SLIT3: variants seen among roughly 807,000 people sequenced by gnomAD.
The protein encoded by SLIT3 is slit guidance ligand 3, also known as slit homolog 3 protein.
A neutral mutation model predicts 184.0 loss-of-function variants in SLIT3; 68 were observed. The observed-to-expected ratio is 0.37, with a 90% CI of 0.30 to 0.45. The LOEUF is 0.45. Among genes scored for constraint, SLIT3 ranks in the 20% least tolerant of loss-of-function variants. SLIT3 has a pLI of 1.00. For missense variants in SLIT3, 1,707 were observed against 2,026.0 expected, an observed-to-expected ratio of 0.84 and a Z score of 3.02; for synonymous variants, 831 against 828.6, an observed-to-expected ratio of 1.00 and a Z score of -0.05.
At chr5:168,887,856 T>C (rs1760280391) in intron 4 of SLIT3, among the ~76,000 whole-genome samples, 1 of 152,168 alleles carries the variant, frequency 6.6e-6, no homozygotes, top group Non-Finnish European at 1.5e-5. Flanking sequence ...TTGCTGAAAA[T>C]GTCCTTTTTC....
At chr5:168,811,475 A>T (rs916155526) in intron 8 of SLIT3, among the ~76,000 whole-genome samples, 1 of 152,170 alleles carries the variant, frequency 6.6e-6, no homozygotes, top group African/African-American at 2.4e-5. Context: ...GCCAAAAGGA[A>T]CCCCAAATTC....
chr5:169,044,714 T>C (rs1248466366), intron 4 of SLIT3, among the ~76,000 whole-genome samples: 1 of 152,150 alleles, frequency 6.6e-6, no homozygotes, highest in Non-Finnish European at 1.5e-5. Context: ...CACTGAATGA[T>C]ATAATTTAAG....
chr5:168,724,644 ATATT>A (rs150726835), intron 20 of SLIT3, among the ~76,000 whole-genome samples, 160 bp from the exon 21 acceptor site: 3,147 of 152,180 alleles, frequency 0.021, 99 homozygotes, highest in African/African-American at 0.069. Context: ...TTGTCATTTA[ATATT>A]TATTTGATTA....
intron 3 of SLIT3, among the ~76,000 whole-genome samples, chr5:169,228,661 G>C (rs769061610): frequency 1.3e-5 from 2 of 152,146 alleles, no homozygotes; most frequent in South Asian, 4.1e-4. Flanking sequence ...AGAACATTCA[G>C]AATACAAATT....
intron 7 of SLIT3, among the ~76,000 whole-genome samples, chr5:168,820,017 G>A (rs1374476953): frequency 6.6e-6 from 1 of 152,152 alleles, no homozygotes; most frequent in Admixed American, 6.5e-5. Flanking sequence ...GTCAAGCTGG[G>A]TAGATTCTTG....
intron 4 of SLIT3, among the ~76,000 whole-genome samples, chr5:168,909,107 C>T (rs770013384): frequency 3.9e-5 from 6 of 152,204 alleles, no homozygotes; most frequent in South Asian, 2.1e-4. Flanking sequence ...CTGCGTCCTC[C>T]GGTCACACAT....
At chr5:168,685,983 TCA>T (rs1425942572) in intron 30 of SLIT3, 56 bp from the exon 31 acceptor site, 20 of 1,526,966 alleles carry the variant, frequency 1.3e-5, no homozygotes, top group African/African-American at 1.1e-4. Flanking sequence ...GAGGAGACAA[TCA>T]CAGTTACTCA....
Position 169,176,883 on chromosome 5 carries a change from T to C in SLIT3, c.413+16596A>G, listed in dbSNP as rs568337893. Among the ~76,000 whole-genome samples, 5 of 152,318 alleles carry C rather than the reference T, an allele frequency of 3.3e-5. No homozygotes were observed. In the South Asian group the frequency reaches 1.0e-3, roughly 32 times the overall value. Reference sequence around the variant, plus strand: ...GAAAACTAGAGGGCCAACCTCCCTCTTTCTGCCAGCACCCTCTTAGAAATC... The same window carrying C: ...GAAAACTAGAGGGCCAACCTCCCTCCTTCTGCCAGCACCCTCTTAGAAATC... On this transcript the variant is annotated intron_variant, in intron 4 of 35. Transcript: ENST00000519560.
chr5:169,146,354 T>A (rs1312946703), intron 4 of SLIT3, among the ~76,000 whole-genome samples: 2 of 152,254 alleles, frequency 1.3e-5, no homozygotes, highest in African/African-American at 4.8e-5. Context: ...TTGGCCCATG[T>A]TCCTGCTAAC....
At chr5:168,856,764 CTCGTGTGT>C (rs1758882989) in intron 5 of SLIT3, among the ~76,000 whole-genome samples, 1 of 126,020 alleles carries the variant, frequency 7.9e-6, no homozygotes, top group Non-Finnish European at 1.6e-5. Context: ...AGCTGAGTTC[CTCGTGTGT>C]GTGTGTGTGT....
chr5:169,097,329 C>A (rs113207360), intron 4 of SLIT3, among the ~76,000 whole-genome samples: 79 of 150,874 alleles, frequency 5.2e-4, no homozygotes, highest in African/African-American at 1.8e-3. Context: ...TTGTGTTTTA[C>A]CCACAAAAGA....
chr5:169,066,573 TC>T (rs1275606937), intron 4 of SLIT3, among the ~76,000 whole-genome samples: 1 of 152,214 alleles, frequency 6.6e-6, no homozygotes, highest in Non-Finnish European at 1.5e-5. Flanking sequence ...AAGTAATCAA[TC>T]CTCATACCCT....
chr5:169,211,737 C>A (rs796694258), intron 3 of SLIT3, among the ~76,000 whole-genome samples: 1 of 152,130 alleles, frequency 6.6e-6, no homozygotes, highest in East Asian at 1.9e-4. Flanking sequence ...GTTCCCGCAC[C>A]CATTGAACTG....
At chr5:168,702,478 A>G (rs1762246397) in intron 26 of SLIT3, among the ~76,000 whole-genome samples, 1 of 152,056 alleles carries the variant, frequency 6.6e-6, no homozygotes, top group Non-Finnish European at 1.5e-5. Flanking sequence ...CTCTCAAAAC[A>G]TGCGTTCTAG....
chr5:169,251,463 C>T lies in SLIT3; in HGVS notation c.198-4G>A, dbSNP rs1448113643. The stretch of plus-strand genomic sequence containing the variant: ...GATATTATTTCTGTCCAGGTCACTG[C>T]AATGGAGAGCAAATTCAGGTCAGAT... On this transcript the variant is annotated splice_polypyrimidine_tract_variant and splice_region_variant and intron_variant, in intron 1 of 35. Coordinates refer to ENST00000519560, the MANE Select transcript of SLIT3 (RefSeq NM_003062.4). 6.2e-7 allele frequency: 1 copy of T among 1,604,952 alleles called. No homozygotes were observed. Among genetic ancestry groups the T allele is most frequent in the Non-Finnish European group, 8.5e-7 (1 of 1,171,764 alleles).
rs181431955 is a variant in SLIT3, at chr5:169,195,019, T to C, written c.342-1469A>G. Reference sequence around the variant, plus strand: ...GCATACACCCCACAGTCCCCCAGAATCTTTCAGAGCCAAAGAGCAGTTCAT... The same window carrying C: ...GCATACACCCCACAGTCCCCCAGAACCTTTCAGAGCCAAAGAGCAGTTCAT... On this transcript the variant is annotated intron_variant, in intron 3 of 35. Transcript: ENST00000519560. Among the ~76,000 whole-genome samples, 11 of 152,230 alleles carry C rather than the reference T, an allele frequency of 7.2e-5. No homozygotes were observed. In the East Asian group the frequency reaches 2.1e-3, roughly 29 times the overall value.
chr5:168,805,153 G>GTGTCTGTTTTGTTTGTTTC, intron 9 of SLIT3, among the ~76,000 whole-genome samples: 1 of 152,336 alleles, frequency 6.6e-6, no homozygotes, highest in Non-Finnish European at 1.5e-5. Flanking sequence ...AGGCAGAAAT[G>GTGTCTGTTTTGTTTGTTTC]TGTCTGTTTT....
chr5:169,035,416 G>A (rs374551439), intron 4 of SLIT3, among the ~76,000 whole-genome samples: 1 of 152,040 alleles, frequency 6.6e-6, no homozygotes, highest in African/African-American at 2.4e-5. Flanking sequence ...TTGGGAGGCC[G>A]AGGCAGGTGG....
intron 4 of SLIT3, among the ~76,000 whole-genome samples, chr5:169,190,955 T>C (rs1030199529): frequency 1.3e-5 from 2 of 152,212 alleles, no homozygotes; most frequent in African/African-American, 4.8e-5. Context: ...GATTGCTGAT[T>C]ATAGCCCAAA....
Sources: gnomAD v4.1 joint callset for allele counts (sites outside exome capture counted in the v4.1 genomes callset) on GRCh38, gnomAD v4.1.1 for gene constraint, MANE v1.5 for transcripts, NCBI Gene and HGNC (gene_info 2026-07-23, HGNC 2026-07-21) for gene names.